HAPLN2: variants seen among roughly 807,000 people sequenced by gnomAD.
HAPLN2 encodes brain link protein-1.
In HAPLN2, 27 loss-of-function variants were observed where a neutral mutation model predicts 29.3. That is an observed-to-expected ratio of 0.92 (90% CI 0.68 to 1.27). The LOEUF is 1.27. Among genes scored for constraint, HAPLN2 ranks in the 50% most tolerant of loss-of-function variants. The pLI, the probability that HAPLN2 is intolerant of heterozygous loss-of-function variation, is 0.00. For missense variants in HAPLN2, 454 were observed against 484.3 expected (o/e 0.94, Z 0.59); for synonymous variants, 208 against 211.7 (o/e 0.98, Z 0.15).
chr1:156,608,857 A>C, the HAPLN2 span, among the ~76,000 whole-genome samples: 1 of 152,170 alleles, frequency 6.6e-6, no homozygotes, highest in African/African-American at 2.4e-5. Context: ...TCAAGGTAGC[A>C]GACACACCCA....
upstream of HAPLN2, among the ~76,000 whole-genome samples, chr1:156,617,428 G>A (rs533472086): frequency 6.8e-6 from 1 of 146,890 alleles, no homozygotes; most frequent in African/African-American, 2.5e-5. Context: ...TCAGCTCACT[G>A]CAACCTCCTC....
Position 156,624,393 on chromosome 1 carries a change from T to A in HAPLN2, c.482T>A (p.Phe161Tyr), listed in dbSNP as rs1678370140. ...CAACCCAGCCGGGGCCGGTACCAGT[T>A]CAATTACTACGAGGCGAAGCAGGCG... is the stretch of plus-strand genomic sequence containing the variant. Reference protein sequence around the residue: ...PYQPSRGRYQFNYYEAKQACE... With the variant: ...PYQPSRGRYQYNYYEAKQACE... The change falls in exon 5 of 7, where the codon TTC becomes TAC. Residue 161 changes from phenylalanine to tyrosine, a missense_variant. Phe to Tyr is a conservative substitution (Grantham distance 22). This residue lies in a region of HAPLN2 where 15 missense variants were observed against 38.3 expected (regional missense o/e 0.39). Transcript: ENST00000255039. 1.2e-6 allele frequency: 2 copies of A among 1,609,422 alleles called. No individual in the cohort carries two copies. The highest frequency in any genetic ancestry group is 2.7e-5 in the African/African-American group (2 of 74,738).
At chr1:156,611,849 C>A in the HAPLN2 span, among the ~76,000 whole-genome samples, 1 of 152,246 alleles carries the variant, frequency 6.6e-6, no homozygotes, top group Admixed American at 6.5e-5. Flanking sequence ...AGACTTTCAA[C>A]CCAGAGGATA....
chr1:156,625,491 GGCCTCTCCAGACCT>G lies in HAPLN2; in HGVS notation c.*112_*125del. The G allele has an allele frequency of 8.2e-7, 1 of 1,213,602 alleles. No individual in the cohort carries two copies. The allele number at this position is 1,213,602 out of a possible 1,614,324, so 75.2% of individuals were successfully genotyped here. A position where few individuals can be genotyped will look rare whatever the true frequency, so the allele number is the denominator to read the frequency against. On this transcript the variant is annotated 3_prime_UTR_variant, in exon 7 of 7. Transcript: ENST00000255039. This position sits in a 1 kb window ranked among gnomAD's most constrained non-coding sequence, Gnocchi z 5.7. Reference sequence around the variant, plus strand: ...CCTCCCCTCCCTCCAGACCCGGAGCGGCCTCTCCAGACCTGCCTTCCCAGCCGGGGGCTGCGGGC... The same window carrying G: ...CCTCCCCTCCCTCCAGACCCGGAGCGGCCTTCCCAGCCGGGGGCTGCGGGC...
At chr1:156,611,622 C>T in the HAPLN2 span, among the ~76,000 whole-genome samples, 4 of 152,014 alleles carry the variant, frequency 2.6e-5, no homozygotes, top group Non-Finnish European at 4.4e-5. Context: ...TAATAATAAA[C>T]AAACAAACAA....
At chr1:156,604,055 C>T in the HAPLN2 span, among the ~76,000 whole-genome samples, 1 of 151,968 alleles carries the variant, frequency 6.6e-6, no homozygotes, top group Admixed American at 6.6e-5. Context: ...TCTCATACCT[C>T]CTCACAAGGG....
the HAPLN2 span, among the ~76,000 whole-genome samples, chr1:156,605,254 A>T: frequency 6.6e-6 from 1 of 151,754 alleles, no homozygotes. Flanking sequence ...CGATAGGGTG[A>T]GACTCCGTCT....
the HAPLN2 span, among the ~76,000 whole-genome samples, chr1:156,609,721 G>A: frequency 1.2e-4 from 19 of 152,140 alleles, no homozygotes; most frequent in Non-Finnish European, 2.6e-4. Flanking sequence ...TGCTCCATAC[G>A]GACACAAATA....
At chr1:156,623,037 A>AT (rs1678290642) in intron 2 of HAPLN2, among the ~76,000 whole-genome samples, 1 of 111,424 alleles carries the variant, frequency 9.0e-6, no homozygotes, top group African/African-American at 3.2e-5. Context: ...CTGTCTCAAA[A>AT]AAATAAATAA....
chr1:156,606,925 C>T, the HAPLN2 span, among the ~76,000 whole-genome samples: 35 of 152,050 alleles, frequency 2.3e-4, no homozygotes, highest in Non-Finnish European at 2.4e-4. Context: ...CCCCTTTACC[C>T]CTGGTGTTTT....
chr1:156,624,481 C>A lies in HAPLN2; in HGVS notation c.556+14C>A, dbSNP rs552481543. 1.9e-6 allele frequency: 3 copies of A among 1,610,520 alleles called. No homozygotes were observed. The highest frequency in any genetic ancestry group is 1.7e-5 in the Admixed American group (1 of 59,838). Reference sequence around the variant, plus strand: ...AGCTCTACCAGGGTGAGCGGCCGAACCCAGCACTTCCCAAGCCCCGCGGAG... The same window carrying A: ...AGCTCTACCAGGGTGAGCGGCCGAAACCAGCACTTCCCAAGCCCCGCGGAG... On this transcript the variant is annotated intron_variant, in intron 5 of 6. Transcript: ENST00000255039.
chr1:156,615,859 C>T (rs938095505), upstream of HAPLN2, among the ~76,000 whole-genome samples: 7 of 150,744 alleles, frequency 4.6e-5, no homozygotes, highest in African/African-American at 1.5e-4. Flanking sequence ...CATTAGCCAC[C>T]GTGCCCAGCC....
chr1:156,606,415 ACT>A, the HAPLN2 span, among the ~76,000 whole-genome samples: 3 of 123,906 alleles, frequency 2.4e-5, no homozygotes, highest in African/African-American at 9.9e-5. Flanking sequence ...ACAGAGTGAG[ACT>A]CTGTCTAAAA....
At chr1:156,607,784 C>T in the HAPLN2 span, among the ~76,000 whole-genome samples, 1 of 152,218 alleles carries the variant, frequency 6.6e-6, no homozygotes, top group African/African-American at 2.4e-5. Flanking sequence ...TCTTCCTCCA[C>T]TTCTTCCCAG....
chr1:156,624,452 T>C lies in HAPLN2; in HGVS notation c.541T>C (p.Ser181Pro). 6.2e-7 allele frequency: 1 copy of C among 1,612,702 alleles called. No individual in the cohort carries two copies. ...EEQDGRLATY[S>P]QLYQAWTEGL... ...GCAGGACGGACGCCTGGCCACCTAC[T>C]CCCAGCTCTACCAGGGTGAGCGGCC... The change falls in exon 5 of 7, where the codon TCC (serine) becomes CCC (proline). Residue 181 changes from serine (S) to proline (P), a missense_variant. Around this residue, in one of 3 missense-constraint regions of HAPLN2, gnomAD observed 235 missense variants for 236.9 expected, o/e 0.99. Coordinates refer to ENST00000255039, the MANE Select transcript of HAPLN2 (RefSeq NM_021817.3).
upstream of HAPLN2, among the ~76,000 whole-genome samples, chr1:156,614,497 CAGGTG>C (rs1254208738): frequency 1.3e-5 from 2 of 152,236 alleles, no homozygotes; most frequent in Non-Finnish European, 2.9e-5. Flanking sequence ...GCTGGGATTA[CAGGTG>C]TGAACACGGC....
Position 156,624,366 on chromosome 1 carries a change from A to G in HAPLN2, c.455A>G (p.Tyr152Cys). ...TLSLEGVVFPYQPSRGRYQFN... is the reference protein window; with the variant it reads ...TLSLEGVVFPCQPSRGRYQFN... ...CACCCCCTAGGTGTGGTGTTTCCGT[A>G]CCAACCCAGCCGGGGCCGGTACCAG... The change falls in exon 5 of 7, where the codon TAC becomes TGC. Residue 152 changes from tyrosine to cysteine, a missense_variant. Around this residue, in one of 3 missense-constraint regions of HAPLN2, gnomAD observed 204 missense variants for 209.2 expected, o/e 0.98. Transcript: ENST00000255039. The G allele has an allele frequency of 6.2e-7, 1 of 1,604,670 alleles. No individual in the cohort carries two copies. The highest frequency in any genetic ancestry group is 8.5e-7 in the Non-Finnish European group (1 of 1,176,000).
At chr1:156,623,041 T>TAA (rs1463020915) in intron 2 of HAPLN2, among the ~76,000 whole-genome samples, 7 of 93,266 alleles carry the variant, frequency 7.5e-5, no homozygotes, top group East Asian at 3.3e-4. Flanking sequence ...CTCAAAAAAA[T>TAA]AAATAAATAA....
At chr1:156,621,956 GA>G (rs1018015660) in intron 2 of HAPLN2, among the ~76,000 whole-genome samples, 8 of 137,912 alleles carry the variant, frequency 5.8e-5, no homozygotes, top group South Asian at 2.3e-4. Flanking sequence ...ACTCCATCTA[GA>G]AAAAAAAAAC....
Sources: gnomAD v4.1 joint callset for allele counts (sites outside exome capture counted in the v4.1 genomes callset) on GRCh38, gnomAD v4.1.1 for gene constraint, gnomAD v4.1.1 regional missense constraint, Gnocchi (gnomAD v3.1) non-coding constraint, MANE v1.5 for transcripts, NCBI Gene and HGNC (gene_info 2026-07-23, HGNC 2026-07-21) for gene names.